The following FRK variants were observed in gnomAD, a reference collection of about 807,000 sequenced individuals.
The protein encoded by FRK is tyrosine-protein kinase FRK.
FRK carries 51 observed loss-of-function variants against 56.4 expected under a neutral mutation model. The observed-to-expected ratio is 0.90, with a 90% CI of 0.72 to 1.14. The LOEUF is 1.14. FRK is among the 50% of genes most tolerant of loss of function. The probability of loss-of-function intolerance (pLI) is 0.00; values close to 1 mark genes in which losing one functional copy is unlikely to be tolerated. For synonymous variants in FRK, 245 were observed against 217.9 expected (o/e 1.12, Z -1.10); for missense variants, 570 against 601.4 (o/e 0.95, Z 0.55).
intron 1 of FRK, among the ~76,000 whole-genome samples, chr6:116,027,935 A>G (rs183920382): frequency 1.0e-3 from 154 of 152,208 alleles, no homozygotes; most frequent in African/African-American, 3.5e-3. Flanking sequence ...CAGGGTTCAG[A>G]GGAGAAGCTA....
intron 1 of FRK, among the ~76,000 whole-genome samples, chr6:116,048,655 G>A (rs891488125): frequency 3.9e-5 from 6 of 152,064 alleles, no homozygotes; most frequent in African/African-American, 1.4e-4. Flanking sequence ...AAAAGTACTG[G>A]GATCACAGGC....
intron 5 of FRK, among the ~76,000 whole-genome samples, chr6:115,944,681 C>T (rs1241857568): frequency 2.0e-5 from 3 of 152,042 alleles, no homozygotes; most frequent in African/African-American, 7.2e-5. Flanking sequence ...CTGCAATTAT[C>T]TGAGAGTCTG....
chr6:115,973,570 T>TAAA (rs1562265326), intron 2 of FRK, among the ~76,000 whole-genome samples: 8 of 152,074 alleles, frequency 5.3e-5, no homozygotes, highest in African/African-American at 1.7e-4. Flanking sequence ...TAAAAATTTT[T>TAAA]AAAAAAAGCC....
chr6:116,073,774 T>G, the FRK span, among the ~76,000 whole-genome samples: 1 of 152,130 alleles, frequency 6.6e-6, no homozygotes, highest in Non-Finnish European at 1.5e-5. Flanking sequence ...ATTAATCAAT[T>G]CCCATAACAG....
At chr6:116,059,124 C>T (rs1258475741) in intron 1 of FRK, among the ~76,000 whole-genome samples, 1 of 152,126 alleles carries the variant, frequency 6.6e-6, no homozygotes, top group Non-Finnish European at 1.5e-5. Flanking sequence ...CCCCAACTCA[C>T]CAGGCCCACT....
Position 115,967,677 on chromosome 6 carries a change from C to G in FRK, c.673G>C (p.Asp225His). ...APFDLSYKTV[D>H]QWEIDRNSIQ... ...GAGTTGCGGTCTATCTCCCATTGGTCCACGGTTTTATACGACAAATCAAAT... is the reference window on the plus strand; with the variant it reads ...GAGTTGCGGTCTATCTCCCATTGGTGCACGGTTTTATACGACAAATCAAAT... Residue 225 changes from aspartate to histidine, a missense_variant, in exon 4 of 8, where the codon GAC becomes CAC. By Grantham distance (81) the Asp-to-His change is moderately conservative (BLOSUM62 -1). Transcript: ENST00000606080. 6.2e-7 allele frequency: 1 copy of G among 1,612,320 alleles called. No individual in the cohort carries two copies. Among genetic ancestry groups the G allele is most frequent in the Non-Finnish European group, 8.5e-7 (1 of 1,179,232 alleles).
the FRK span, among the ~76,000 whole-genome samples, chr6:116,066,834 C>A: frequency 6.6e-6 from 1 of 152,172 alleles, no homozygotes; most frequent in East Asian, 1.9e-4. Flanking sequence ...TGTTCTCAAC[C>A]TAAATAATGT....
intron 2 of FRK, among the ~76,000 whole-genome samples, chr6:115,997,456 G>T (rs1478185319): frequency 1.3e-5 from 2 of 151,324 alleles, no homozygotes; most frequent in African/African-American, 4.9e-5. Flanking sequence ...AAAAAAAGGA[G>T]AATGGCTATT....
intron 1 of FRK, among the ~76,000 whole-genome samples, chr6:116,010,906 C>G (rs1775440763): frequency 6.6e-6 from 1 of 152,044 alleles, no homozygotes; most frequent in South Asian, 2.1e-4. Context: ...GTGAGCATGA[C>G]CTTATTTCTT....
At chr6:115,990,600 C>G (rs36061333) in intron 2 of FRK, among the ~76,000 whole-genome samples, 22,555 of 151,518 alleles carry the variant, frequency 0.15, 2,290 homozygotes, top group Middle Eastern at 0.28. Flanking sequence ...TGGCTTTATT[C>G]TTGGGTTATC....
At chr6:116,061,507 GGGGGCT>G (rs921079405), upstream of FRK, among the ~76,000 whole-genome samples, 4 of 152,030 alleles carry the variant, frequency 2.6e-5, no homozygotes, top group Non-Finnish European at 2.9e-5. Flanking sequence ...ACACTGCTGT[GGGGGCT>G]CTTTCTGCTA....
At chr6:116,017,788 G>A (rs887696033) in intron 1 of FRK, among the ~76,000 whole-genome samples, 1 of 152,112 alleles carries the variant, frequency 6.6e-6, no homozygotes, top group African/African-American at 2.4e-5. Flanking sequence ...TTCTAGAAGA[G>A]GGGGACTTTC....
chr6:116,091,500 G>A, the FRK span, among the ~76,000 whole-genome samples: 150 of 152,244 alleles, frequency 9.9e-4, 1 homozygote, highest in Non-Finnish European at 7.4e-4. Flanking sequence ...GCGAAGGTCC[G>A]AGGCTTCATT....
intron 1 of FRK, among the ~76,000 whole-genome samples, chr6:116,026,570 G>GGAAA (rs1776099649): frequency 6.6e-6 from 1 of 150,458 alleles, no homozygotes; most frequent in South Asian, 2.1e-4. Context: ...AAGGAAGGAA[G>GGAAA]GAAGGAAAGA....
intron 2 of FRK, among the ~76,000 whole-genome samples, chr6:116,001,565 G>C (rs920394046): frequency 2.0e-5 from 3 of 152,000 alleles, no homozygotes; most frequent in Admixed American, 6.6e-5. Flanking sequence ...TACTTGCCTT[G>C]GCCAATCATG....
chr6:116,059,963 C>T lies in FRK; in HGVS notation c.344+5G>A. The T allele has an allele frequency of 6.2e-7, 1 of 1,611,330 alleles. No homozygotes were observed. The highest frequency in any genetic ancestry group is 8.5e-7 in the Non-Finnish European group (1 of 1,177,910). ...AGAAATTAAGTATAAGTTTGTACTA[C>T]TCACGGCTCTGCCTGTAGGCTTCTG... On this transcript the variant is annotated splice_donor_5th_base_variant and intron_variant, in intron 1 of 7. Transcript: ENST00000606080.
At chr6:116,076,813 A>G in the FRK span, among the ~76,000 whole-genome samples, 5 of 152,198 alleles carry the variant, frequency 3.3e-5, no homozygotes, top group African/African-American at 1.2e-4. Flanking sequence ...CTGATTCTCT[A>G]AGTTAAAATA....
At chr6:115,952,233 G>C (rs1772790539) in intron 5 of FRK, among the ~76,000 whole-genome samples, 1 of 152,038 alleles carries the variant, frequency 6.6e-6, no homozygotes, top group South Asian at 2.1e-4. Context: ...ATTGCTTTTG[G>C]TGTTTTAGAC....
the FRK span, among the ~76,000 whole-genome samples, chr6:116,086,340 T>G: frequency 6.6e-6 from 1 of 152,304 alleles, no homozygotes; most frequent in South Asian, 2.1e-4. Flanking sequence ...GGGAACACTA[T>G]GAATCTCATG....
Sources: allele counts gnomAD v4.1 joint callset (sites outside exome capture counted in the v4.1 genomes callset), GRCh38; gene constraint gnomAD v4.1.1; transcripts MANE v1.5; gene names NCBI Gene and HGNC (gene_info 2026-07-23, HGNC 2026-07-21).